NOL8: variants seen among roughly 807,000 people sequenced by gnomAD.
The protein encoded by NOL8 is nucleolar protein 8.
A neutral mutation model predicts 116.1 loss-of-function variants in NOL8; 93 were observed. The ratio of observed to expected loss-of-function variants is 0.80; its 90% CI spans 0.68 to 0.95. NOL8 has a LOEUF of 0.95. Among genes scored for constraint, NOL8 ranks in the 40% least tolerant of loss-of-function variants. NOL8 has a pLI of 0.00. For synonymous variants in NOL8, 419 were observed against 469.0 expected, an observed-to-expected ratio of 0.89 and a Z score of 1.38; for missense variants, 1,291 against 1,382.8, an observed-to-expected ratio of 0.93 and a Z score of 1.05.
At chr9:92,321,591 G>A in intron 4 of NOL8, 77 bp downstream of exon 4, 2 of 796,140 alleles carry the variant, frequency 2.5e-6, no homozygotes, top group Non-Finnish European at 4.0e-6. Context: ...TATATTACTT[G>A]ATAATTTGAA....
chr9:92,324,853 T>C (rs1840315643), intron 1 of NOL8: 1 of 152,206 alleles, frequency 6.6e-6, no homozygotes, highest in South Asian at 2.1e-4. Context: ...GTTTGCATGT[T>C]TCCCATTTTT....
intron 6 of NOL8, among the ~76,000 whole-genome samples, chr9:92,318,286 CA>C (rs1482906332): frequency 1.3e-5 from 2 of 152,128 alleles, no homozygotes; most frequent in African/African-American, 4.8e-5. Context: ...AAACCTACCT[CA>C]ATTCTAAAGC....
chr9:92,317,551 A>T (rs952460953), intron 6 of NOL8, among the ~76,000 whole-genome samples: 1 of 152,166 alleles, frequency 6.6e-6, no homozygotes. Context: ...AGCTCAGAGG[A>T]CACACGTTTT....
chr9:92,322,323 T>C (rs964942054), intron 3 of NOL8, among the ~76,000 whole-genome samples: 6 of 152,186 alleles, frequency 3.9e-5, no homozygotes, highest in Admixed American at 3.3e-4. Flanking sequence ...ATAATACCAT[T>C]AACAGAATTT....
chr9:92,299,100 C>T (rs768763195), intron 14 of NOL8, 146 bp from the exon 15 acceptor site: 12 of 473,446 alleles, frequency 2.5e-5, no homozygotes, highest in South Asian at 4.4e-5. Context: ...TCCAGGTGAG[C>T]GAGACTCTTA....
Position 92,323,325 on chromosome 9 carries a change from T to C in NOL8, c.202+116A>G, listed in dbSNP as rs115686493. 6.5e-6 allele frequency: 10 copies of C among 1,542,794 alleles called. No homozygotes were observed. In the African/African-American group the frequency reaches 1.2e-4, roughly 19 times the overall value. On this transcript the variant is annotated intron_variant, in intron 3 of 16. Transcript: ENST00000442668. Reference sequence around the variant, plus strand: ...ATACTGGAATTCTCTTCATCACTGCTGTCCCTCTGGATAACGTGAAAAATG... The same window carrying C: ...ATACTGGAATTCTCTTCATCACTGCCGTCCCTCTGGATAACGTGAAAAATG...
At position 92,314,683 on chromosome 9, in the gene NOL8, G is replaced by C; in HGVS notation, c.1942C>G (p.Gln648Glu). The C allele has an allele frequency of 2.5e-6, 4 of 1,613,688 alleles. No individual in the cohort carries two copies. The highest frequency in any genetic ancestry group is 2.5e-6 in the Non-Finnish European group (3 of 1,179,764). The part of the protein sequence containing the change: ...GPNYIQPQKR[Q>E]TTFESQDRKA... ...CGATCCTGGCTTTCAAAAGTGGTCT[G>C]TCTTTTTTGAGGCTGAATATAGTTT... The change falls in exon 7 of 17, where the codon CAG (glutamine) becomes GAG (glutamate). Residue 648 changes from glutamine (Q) to glutamate (E), a missense_variant. By Grantham distance (29) the Gln-to-Glu change is conservative. Coordinates refer to ENST00000442668, the MANE Select transcript of NOL8 (RefSeq NM_017948.6).
chr9:92,321,935 CAA>C (rs1346792687), intron 3 of NOL8, among the ~76,000 whole-genome samples, 189 bp from the exon 4 acceptor site: 3 of 152,204 alleles, frequency 2.0e-5, no homozygotes, highest in East Asian at 1.9e-4. Flanking sequence ...GACAACTTAC[CAA>C]AAGAGTCTTT....
intron 10 of NOL8, among the ~76,000 whole-genome samples, chr9:92,309,105 A>G (rs1158879058): frequency 1.3e-5 from 2 of 152,198 alleles, no homozygotes; most frequent in Admixed American, 1.3e-4. Flanking sequence ...CATGCCTGTA[A>G]TCTCAGCACT....
chr9:92,312,575 C>T (rs1838915665), intron 7 of NOL8, among the ~76,000 whole-genome samples: 1 of 150,970 alleles, frequency 6.6e-6, no homozygotes, highest in African/African-American at 2.4e-5. Context: ...GCCTGTAATC[C>T]CAACACTTTG....
chr9:92,302,918 A>C (rs1837875281), intron 12 of NOL8, among the ~76,000 whole-genome samples: 1 of 152,206 alleles, frequency 6.6e-6, no homozygotes, highest in Non-Finnish European at 1.5e-5. Context: ...TCCTATTGGA[A>C]ACTGGAGAAG....
intron 10 of NOL8, among the ~76,000 whole-genome samples, chr9:92,309,583 G>A (rs1189211438): frequency 6.6e-6 from 1 of 152,086 alleles, no homozygotes; most frequent in Non-Finnish European, 1.5e-5. Flanking sequence ...TAAGAGGTAA[G>A]GTGTTTTTAA....
intron 16 of NOL8, 96 bp from the exon 17 acceptor site, chr9:92,297,982 G>T: frequency 9.4e-7 from 1 of 1,064,766 alleles, no homozygotes; most frequent in Non-Finnish European, 1.3e-6. Flanking sequence ...TGTCAGGGCT[G>T]TGGAAACCTA....
chr9:92,318,797 G>T (rs10992302), intron 5 of NOL8, 111 bp from the exon 6 acceptor site: 43,730 of 654,072 alleles, frequency 0.067, 1,865 homozygotes, highest in Middle Eastern at 0.15. Context: ...ATTACTGTTG[G>T]GTTTAGTTTT....
Position 92,319,234 on chromosome 9 carries a change from A to C in NOL8, c.404T>G (p.Val135Gly), listed in dbSNP as rs569969289. Reference sequence around the variant, plus strand: ...GAGGAGACTCACCTTATGCCCTGGCACTTCTGTCCCTGGCACAGCTTTCAT... The same window carrying C: ...GAGGAGACTCACCTTATGCCCTGGCCCTTCTGTCCCTGGCACAGCTTTCAT... ...FHMKAVPGTEVPGHKNWVVSK... is the reference protein window; with the variant it reads ...FHMKAVPGTEGPGHKNWVVSK... Residue 135 changes from valine to glycine, a missense_variant, in exon 5 of 17, where the codon GTG (valine) becomes GGG (glycine). Transcript: ENST00000442668. 7 of 1,567,744 alleles carry C rather than the reference A, an allele frequency of 4.5e-6. No individual in the cohort carries two copies. Among genetic ancestry groups the C allele is most frequent in the Non-Finnish European group, 6.0e-6 (7 of 1,162,726 alleles).
intron 11 of NOL8, among the ~76,000 whole-genome samples, chr9:92,306,503 G>C (rs1838272965): frequency 6.6e-6 from 1 of 152,158 alleles, no homozygotes; most frequent in African/African-American, 2.4e-5. Context: ...AGGTGATGGT[G>C]TACAGGGCTT....
At chr9:92,309,683 G>A (rs372495607) in intron 10 of NOL8, among the ~76,000 whole-genome samples, 4 of 152,146 alleles carry the variant, frequency 2.6e-5, no homozygotes, top group African/African-American at 9.7e-5. Flanking sequence ...GAATTAGGAT[G>A]CTTCTGATAG....
At position 92,298,211 on chromosome 9, in the gene NOL8, G is replaced by T. The variant is rs569468208; in HGVS notation, c.3453+46C>A. The T allele has an allele frequency of 1.1e-4, 147 of 1,358,420 alleles. 1 individual carries two copies. In the South Asian group the frequency reaches 1.8e-3, roughly 16 times the overall value. The allele number at this position is 1,358,420 out of a possible 1,614,324, so 84.1% of individuals were successfully genotyped here. ...CTTCCAGGACTGTAATTCTAGATAG[G>T]TAACATGTCTATTTTAGGAAATAAT... On this transcript the variant is annotated intron_variant, in intron 16 of 16. Transcript: ENST00000442668.
At chr9:92,309,427 G>A (rs912608564) in intron 10 of NOL8, among the ~76,000 whole-genome samples, 3 of 152,074 alleles carry the variant, frequency 2.0e-5, no homozygotes, top group Non-Finnish European at 2.9e-5. Flanking sequence ...GAATGAAAAT[G>A]CAAGTGATGA....
Sources: allele counts gnomAD v4.1 joint callset (sites outside exome capture counted in the v4.1 genomes callset), GRCh38; gene constraint gnomAD v4.1.1; transcripts MANE v1.5; gene names NCBI Gene and HGNC (gene_info 2026-07-23, HGNC 2026-07-21).